The following ADGRL4 variants were observed in gnomAD, a reference collection of about 807,000 sequenced individuals.
The protein encoded by ADGRL4 is adhesion G protein-coupled receptor L4, also known as EGF, latrophilin and seven transmembrane domain containing 1.
In ADGRL4, 90 loss-of-function variants were observed where a neutral mutation model predicts 74.8. That is an observed-to-expected ratio of 1.20 (90% CI 1.02 to 1.43). The LOEUF (loss-of-function observed/expected upper bound fraction) is 1.43. ADGRL4 is among the 40% of genes most tolerant of loss of function. The probability of loss-of-function intolerance (pLI) is 0.00; values close to 1 mark genes in which losing one functional copy is unlikely to be tolerated. For missense variants in ADGRL4, 881 were observed against 814.3 expected, an observed-to-expected ratio of 1.08 and a Z score of -1.00; for synonymous variants, 311 against 279.2, an observed-to-expected ratio of 1.11 and a Z score of -1.14.
At chr1:78,976,713 C>T (rs1650290577) in intron 2 of ADGRL4, among the ~76,000 whole-genome samples, 1 of 150,468 alleles carries the variant, frequency 6.6e-6, no homozygotes, top group African/African-American at 2.4e-5. Context: ...AAAACACAAA[C>T]AATCAAAGCT....
At chr1:78,944,064 A>G (rs1434367406) in intron 3 of ADGRL4, among the ~76,000 whole-genome samples, 3 of 148,886 alleles carry the variant, frequency 2.0e-5, no homozygotes, top group African/African-American at 7.4e-5. Flanking sequence ...CCATTCAGTA[A>G]TCTTTGTGTT....
chr1:78,891,123 T>C lies in ADGRL4; in HGVS notation c.*31A>G. 1 of 1,604,830 alleles carries C rather than the reference T, an allele frequency of 6.2e-7. No individual in the cohort carries two copies. Among genetic ancestry groups the C allele is most frequent in the Non-Finnish European group, 8.5e-7 (1 of 1,172,362 alleles). ...CCACAGCTTGGAATTTTTATTTTTG[T>C]GCAGTTGTAATTATCCACCATTCTC... On this transcript the variant is annotated 3_prime_UTR_variant, in exon 15 of 15. Coordinates refer to ENST00000370742, the MANE Select transcript of ADGRL4 (RefSeq NM_022159.4).
chr1:78,986,690 T>G (rs1570272972), intron 2 of ADGRL4, among the ~76,000 whole-genome samples: 1 of 151,820 alleles, frequency 6.6e-6, no homozygotes, highest in African/African-American at 2.4e-5. Context: ...AAAGTAAAAT[T>G]TTTCAACTTA....
At chr1:78,927,511 A>C (rs2100678145) in intron 7 of ADGRL4, among the ~76,000 whole-genome samples, 1 of 152,228 alleles carries the variant, frequency 6.6e-6, no homozygotes, top group Non-Finnish European at 1.5e-5. Flanking sequence ...GAATCAAGAA[A>C]ATTTAGAGAT....
chr1:78,910,358 C>T (rs191423592), intron 12 of ADGRL4, among the ~76,000 whole-genome samples: 1 of 151,804 alleles, frequency 6.6e-6, no homozygotes, highest in Non-Finnish European at 1.5e-5. Context: ...GAGGTTACAA[C>T]AAAAAGTGAG....
Position 78,918,058 on chromosome 1 carries a change from T to TA in ADGRL4, c.1462-9_1462-8insT. The TA allele has an allele frequency of 2.7e-6, 4 of 1,477,650 alleles. No individual in the cohort carries two copies. The highest frequency in any genetic ancestry group is 1.5e-5 in the African/African-American group (1 of 68,848). 91.5% of individuals were successfully genotyped at this position (1,477,650 alleles called of 1,614,324 possible). On this transcript the variant is annotated splice_polypyrimidine_tract_variant and intron_variant, in intron 10 of 14. Transcript: ENST00000370742. ...AATGATTGAACAGAAGAGCTAGAAA[T>TA]CAAAGAAAAAAAAAAAAACATTGTC...
intron 12 of ADGRL4, among the ~76,000 whole-genome samples, chr1:78,893,504 T>C (rs1187616658): frequency 6.6e-6 from 1 of 151,902 alleles, no homozygotes; most frequent in Non-Finnish European, 1.5e-5. Flanking sequence ...CAAATTTTTG[T>C]TCAGTAATTT....
chr1:79,002,844 AT>A (rs1162553436), intron 2 of ADGRL4, among the ~76,000 whole-genome samples: 1 of 152,108 alleles, frequency 6.6e-6, no homozygotes, highest in Non-Finnish European at 1.5e-5. Context: ...TTAAAAAATG[AT>A]TAAATTAAAT....
intron 12 of ADGRL4, among the ~76,000 whole-genome samples, chr1:78,901,088 A>C (rs908161196): frequency 3.9e-5 from 6 of 152,170 alleles, no homozygotes; most frequent in African/African-American, 1.4e-4. Context: ...GTTGTAAATA[A>C]AAATATAGGA....
At chr1:78,957,245 C>A (rs539524432) in intron 2 of ADGRL4, among the ~76,000 whole-genome samples, 6 of 152,232 alleles carry the variant, frequency 3.9e-5, no homozygotes, top group African/African-American at 1.4e-4. Flanking sequence ...CTACAATGTT[C>A]TCTAAGTAAG....
At chr1:78,937,245 G>C (rs1465222555) in intron 6 of ADGRL4, among the ~76,000 whole-genome samples, 1 of 152,142 alleles carries the variant, frequency 6.6e-6, no homozygotes, top group African/African-American at 2.4e-5. Flanking sequence ...AGGGGTTCGA[G>C]ACCAGCCTGG....
intron 9 of ADGRL4, 50 bp downstream of exon 9, chr1:78,921,563 A>T (rs760161325): frequency 7.3e-6 from 9 of 1,231,800 alleles, no homozygotes; most frequent in Admixed American, 2.9e-5. Flanking sequence ...GATGCGGAAA[A>T]AAAACAGAAA....
At position 79,004,009 on chromosome 1, in the gene ADGRL4, A is replaced by G. The variant is rs74817139; in HGVS notation, c.172+1061T>C. ...TTGCTGTACATTTTTTAAATATTCAACCTAATTATGATGAAGTTTGGTCTT... is the reference window on the plus strand; with the variant it reads ...TTGCTGTACATTTTTTAAATATTCAGCCTAATTATGATGAAGTTTGGTCTT... On this transcript the variant is annotated intron_variant, in intron 2 of 14. Coordinates refer to ENST00000370742, the MANE Select transcript of ADGRL4 (RefSeq NM_022159.4). 3.6e-4 allele frequency among the ~76,000 whole-genome samples: 55 copies of G among 152,154 alleles called. No individual in the cohort carries two copies. The East Asian group carries it at 9.5e-3, about 26-fold the overall frequency.
intron 2 of ADGRL4, among the ~76,000 whole-genome samples, chr1:79,003,966 A>G (rs1046190620): frequency 6.6e-6 from 1 of 152,080 alleles, no homozygotes; most frequent in African/African-American, 2.4e-5. Context: ...TTAATGCACC[A>G]TTAAGTGAAC....
intron 2 of ADGRL4, among the ~76,000 whole-genome samples, chr1:78,959,388 T>C (rs772646761): frequency 2.0e-4 from 30 of 152,218 alleles, no homozygotes; most frequent in Non-Finnish European, 3.2e-4. Context: ...TAGGCAGTGA[T>C]TAATAAGTAG....
chr1:78,920,137 G>T, intron 10 of ADGRL4, 46 bp downstream of exon 10: 1 of 1,394,986 alleles, frequency 7.2e-7, no homozygotes. Context: ...ATTTAAGAAA[G>T]TACACATATC....
rs112313178 is a variant in ADGRL4, at chr1:78,954,930, G to A, written c.173-8504C>T. On this transcript the variant is annotated intron_variant, in intron 2 of 14. Transcript: ENST00000370742. ...GCTTATATCAATAGAGACCAAAAAT[G>A]TAATTAATAAAATTCATCAGATAGG... Among the ~76,000 whole-genome samples, 21 of 152,134 alleles carry A rather than the reference G, an allele frequency of 1.4e-4. 1 individual carries two copies. Among genetic ancestry groups the A allele is most frequent in the African/African-American group, 5.1e-4 (21 of 41,542 alleles).
At chr1:78,957,205 A>G (rs1649854437) in intron 2 of ADGRL4, among the ~76,000 whole-genome samples, 1 of 152,152 alleles carries the variant, frequency 6.6e-6, no homozygotes, top group Non-Finnish European at 1.5e-5. Flanking sequence ...CTGAGACACA[A>G]TAATACTAAA....
chr1:78,917,802 A>C, intron 11 of ADGRL4, 28 bp downstream of exon 11: 1 of 1,603,564 alleles, frequency 6.2e-7, no homozygotes, highest in Non-Finnish European at 8.5e-7. Flanking sequence ...ATCGTATTTC[A>C]AATGCTCATG....
Sources: gnomAD v4.1 joint callset for allele counts (sites outside exome capture counted in the v4.1 genomes callset) on GRCh38, gnomAD v4.1.1 for gene constraint, MANE v1.5 for transcripts, NCBI Gene and HGNC (gene_info 2026-07-23, HGNC 2026-07-21) for gene names.